Variants in NLRC5 observed in about 807,000 individuals in gnomAD.
NLRC5 encodes NLR family CARD domain containing 5, also known as protein NLRC5.
In NLRC5, 114 loss-of-function variants were observed where a neutral mutation model predicts 206.9. That is an observed-to-expected ratio of 0.55 (90% CI 0.47 to 0.64). NLRC5 has a LOEUF of 0.64. Among genes scored for constraint, NLRC5 ranks in the 30% least tolerant of loss-of-function variants. NLRC5 has a pLI of 0.00. For synonymous variants in NLRC5, 952 were observed against 962.8 expected (o/e 0.99, Z 0.21); for missense variants, 2,008 against 2,305.5 (o/e 0.87, Z 2.64).
chr16:57,041,085 C>A (rs2063222170), intron 17 of NLRC5, among the ~76,000 whole-genome samples: 1 of 152,184 alleles, frequency 6.6e-6, no homozygotes, highest in African/African-American at 2.4e-5. Context: ...CACTCTTCCC[C>A]CCTTCTCTCT....
chr16:57,012,179 G>A (rs1374475491), intron 1 of NLRC5, among the ~76,000 whole-genome samples: 1 of 152,114 alleles, frequency 6.6e-6, no homozygotes, highest in African/African-American at 2.4e-5. Flanking sequence ...TTTTCACATG[G>A]CATAAACTTG....
rs747170829 is a variant in NLRC5 at position 57,020,913 on chromosome 16, C to T, written c.201C>T (p.Asp67=). ...ACAAGCTGCATGTCCAGGGTTCGGACACCTGGCAGTCTTTCATTCATTGTG... is the reference window on the plus strand; with the variant it reads ...ACAAGCTGCATGTCCAGGGTTCGGATACCTGGCAGTCTTTCATTCATTGTG... The part of the protein sequence containing the change: ...QLNKLHVQGS[D]TWQSFIHCVC... Residue 67 remains aspartate (D), a synonymous_variant, in exon 3 of 49, where the codon GAC becomes GAT. Coordinates refer to ENST00000688547, the MANE Select transcript of NLRC5 (RefSeq NM_001384950.1). 6.2e-7 allele frequency: 1 copy of T among 1,614,028 alleles called. No homozygotes were observed. The highest frequency in any genetic ancestry group is 1.1e-5 in the South Asian group (1 of 91,082).
At chr16:56,994,623 C>T (rs2057376336) in intron 1 of NLRC5, among the ~76,000 whole-genome samples, 1 of 152,098 alleles carries the variant, frequency 6.6e-6, no homozygotes, top group Non-Finnish European at 1.5e-5. Flanking sequence ...GCAGATGTAG[C>T]CTTCTTGTAG....
Position 57,020,888 on chromosome 16 carries a change from A to C in NLRC5, c.176A>C (p.Asn59Thr). The C allele has an allele frequency of 6.2e-7, 1 of 1,613,956 alleles. No homozygotes were observed. The highest frequency in any genetic ancestry group is 8.5e-7 in the Non-Finnish European group (1 of 1,179,996). The change falls in exon 3 of 49, where the codon AAC becomes ACC. Residue 59 changes from asparagine (N) to threonine (T), a missense_variant. Coordinates refer to ENST00000688547, the MANE Select transcript of NLRC5 (RefSeq NM_001384950.1). ...GAACAGAGAGTCATCCTGCAACTCAACAAGCTGCATGTCCAGGGTTCGGAC... is the reference window on the plus strand; with the variant it reads ...GAACAGAGAGTCATCCTGCAACTCACCAAGCTGCATGTCCAGGGTTCGGAC... ...DPEQRVILQL[N>T]KLHVQGSDTW... is the part of the protein sequence containing the mutation.
At position 57,077,805 on chromosome 16, in the gene NLRC5, G is replaced by A. The variant is rs2068591172; in HGVS notation, c.5003+3G>A. On this transcript the variant is annotated splice_donor_region_variant and intron_variant, in intron 42 of 48. Transcript: ENST00000688547. Reference sequence around the variant, plus strand: ...TGCAGGCGCCTGGAGGAGTTGATGTGAGTGTCTGCCCAGGTGGCCTCTGCC... The same window carrying A: ...TGCAGGCGCCTGGAGGAGTTGATGTAAGTGTCTGCCCAGGTGGCCTCTGCC... The A allele has an allele frequency of 3.8e-6, 6 of 1,598,830 alleles. No individual in the cohort carries two copies. In the South Asian group the frequency reaches 6.7e-5, roughly 18 times the overall value.
chr16:57,082,464 G>A lies in NLRC5; in HGVS notation c.5537G>A (p.Ser1846Asn). The A allele has an allele frequency of 1.2e-6, 2 of 1,613,842 alleles. No homozygotes were observed. The highest frequency in any genetic ancestry group is 4.5e-5 in the East Asian group (2 of 44,890). Residue 1846 changes from serine to asparagine, a missense_variant, in exon 49 of 49, where the codon AGC becomes AAC. Ser to Asn is a conservative substitution (Grantham distance 46, BLOSUM62 1). Transcript: ENST00000688547. ...TGCGACATGGCCCAGCACCTGAAGA[G>A]CCAGGAGCCCAGGCTGGACTTTGCC... ...IPCDMAQHLK[S>N]QEPRLDFAFF...
intron 1 of NLRC5, among the ~76,000 whole-genome samples, chr16:57,008,431 C>A (rs1442693940): frequency 6.6e-6 from 1 of 152,062 alleles, no homozygotes; most frequent in Non-Finnish European, 1.5e-5. Context: ...TTCATCTAGA[C>A]TTTATTTTGA....
chr16:57,013,825 A>G (rs563145747), intron 1 of NLRC5: 78 of 701,842 alleles, frequency 1.1e-4, no homozygotes, highest in Middle Eastern at 8.2e-4. Flanking sequence ...TATCTCCAGC[A>G]TAAGTTATTT....
At chr16:57,019,480 A>G (rs2060434058) in intron 2 of NLRC5, among the ~76,000 whole-genome samples, 1 of 152,204 alleles carries the variant, frequency 6.6e-6, no homozygotes, top group African/African-American at 2.4e-5. Context: ...ATTAGAGTTC[A>G]CTGTGAGTAG....
intron 22 of NLRC5, among the ~76,000 whole-genome samples, chr16:57,046,988 T>C (rs1597344180): frequency 6.6e-6 from 1 of 152,180 alleles, no homozygotes; most frequent in African/African-American, 2.4e-5. Flanking sequence ...GTCTCCCCAC[T>C]AATACACTCC....
At chr16:57,020,192 CT>C (rs1324083277) in intron 2 of NLRC5, among the ~76,000 whole-genome samples, 3 of 151,574 alleles carry the variant, frequency 2.0e-5, no homozygotes, top group African/African-American at 7.3e-5. Context: ...CACCTTCCCC[CT>C]AGTTCATCTG....
In NLRC5 at chr16:57,051,521, C is replaced by T. The variant is rs537746813; in HGVS notation, c.3423-17C>T. On this transcript the variant is annotated splice_polypyrimidine_tract_variant and intron_variant, in intron 23 of 48. Transcript: ENST00000688547. ...TGGAAGGTTTCCCCCACCTCATCCACCTGCTTTGTTTCACAGATTGTCCTG... is the reference window on the plus strand; with the variant it reads ...TGGAAGGTTTCCCCCACCTCATCCATCTGCTTTGTTTCACAGATTGTCCTG... The T allele has an allele frequency of 1.7e-5, 28 of 1,606,196 alleles. 1 individual carries two copies. The Admixed American group carries it at 3.2e-4, about 18-fold the overall frequency.
intron 18 of NLRC5, among the ~76,000 whole-genome samples, 157 bp from the exon 19 acceptor site, chr16:57,041,825 A>G (rs2063320528): frequency 6.6e-6 from 1 of 151,502 alleles, no homozygotes; most frequent in South Asian, 2.1e-4. Flanking sequence ...CCTGGGGGAG[A>G]CCCCAGCTGC....
intron 23 of NLRC5, 46 bp downstream of exon 23, chr16:57,047,674 G>T (rs756448851): frequency 1.1e-5 from 17 of 1,524,116 alleles, no homozygotes; most frequent in Admixed American, 1.8e-5. Flanking sequence ...GTGGGGATCT[G>T]CCCAGTGACC....
chr16:57,049,007 G>C (rs1013057252), intron 23 of NLRC5, among the ~76,000 whole-genome samples: 1 of 152,060 alleles, frequency 6.6e-6, no homozygotes, highest in African/African-American at 2.4e-5. Flanking sequence ...TAGATCAAGG[G>C]TGTCCAATCT....
intron 21 of NLRC5, 81 bp from the exon 22 acceptor site, chr16:57,046,471 C>A: frequency 8.7e-7 from 1 of 1,150,224 alleles, no homozygotes. Context: ...CTAAACGATC[C>A]CCCTCCTAGG....
chr16:57,049,973 C>A (rs1014490033), intron 23 of NLRC5, among the ~76,000 whole-genome samples: 1 of 151,938 alleles, frequency 6.6e-6, no homozygotes, highest in African/African-American at 2.4e-5. Context: ...GGGGTTCCAC[C>A]GGGGAAGCCA....
intron 1 of NLRC5, among the ~76,000 whole-genome samples, chr16:57,009,929 T>A: frequency 6.6e-6 from 1 of 152,054 alleles, no homozygotes; most frequent in Non-Finnish European, 1.5e-5. Context: ...TATTGGGGGA[T>A]GGGTGGACAG....
Position 57,077,945 on chromosome 16 carries a change from T to C in NLRC5, c.5006T>C (p.Leu1669Pro), listed in dbSNP as rs1482610554. The C allele has an allele frequency of 1.2e-6, 2 of 1,613,322 alleles. No homozygotes were observed. The highest frequency in any genetic ancestry group is 1.3e-5 in the African/African-American group (1 of 75,044). The change falls in exon 43 of 49, where the codon CTT becomes CCT. Residue 1669 changes from leucine to proline, a missense_variant and splice_region_variant. By Grantham distance (98) the Leu-to-Pro change is moderately conservative (BLOSUM62 -3). Coordinates refer to ENST00000688547, the MANE Select transcript of NLRC5 (RefSeq NM_001384950.1). The part of the protein sequence containing the change: ...VLCRRLEELM[L>P]GCNALGDPTA... ...TGCTCATTCCTCTCCTCTTCCAGGC[T>C]TGGCTGCAATGCCCTGGGGGATCCC...
Sources: gnomAD v4.1 joint callset for allele counts (sites outside exome capture counted in the v4.1 genomes callset) on GRCh38, gnomAD v4.1.1 for gene constraint, MANE v1.5 for transcripts, NCBI Gene and HGNC (gene_info 2026-07-23, HGNC 2026-07-21) for gene names.